SKAP2: variants seen among roughly 807,000 people sequenced by gnomAD.
The protein encoded by SKAP2 is src kinase-associated phosphoprotein 2.
A neutral mutation model predicts 54.9 loss-of-function variants in SKAP2; 28 were observed. That is an observed-to-expected ratio of 0.51 (90% CI 0.38 to 0.70). SKAP2 has a LOEUF of 0.70. Among genes scored for constraint, SKAP2 ranks in the 30% least tolerant of loss-of-function variants. The pLI, the probability that SKAP2 is intolerant of heterozygous loss-of-function variation, is 0.00. For synonymous variants in SKAP2, 137 were observed against 134.3 expected, an observed-to-expected ratio of 1.02 and a Z score of -0.14; for missense variants, 356 against 424.1, an observed-to-expected ratio of 0.84 and a Z score of 1.41.
intron 11 of SKAP2, among the ~76,000 whole-genome samples, chr7:26,675,382 C>G (rs1224072454): frequency 1.3e-5 from 2 of 152,192 alleles, no homozygotes; most frequent in East Asian, 3.8e-4. Context: ...ACTCAGCTGT[C>G]ATGATTTTTT....
At chr7:26,724,197 A>C (rs1174795824) in intron 9 of SKAP2, among the ~76,000 whole-genome samples, 2 of 152,206 alleles carry the variant, frequency 1.3e-5, no homozygotes, top group Non-Finnish European at 2.9e-5. Context: ...ATTACTTTTT[A>C]CTTGGTTAGA....
chr7:26,746,497 A>G (rs1170836239), intron 4 of SKAP2: 1 of 152,124 alleles, frequency 6.6e-6, no homozygotes, highest in Non-Finnish European at 1.5e-5. Flanking sequence ...GGATATAAAT[A>G]TTAAATAAAA....
intron 9 of SKAP2, among the ~76,000 whole-genome samples, chr7:26,702,526 GTGACAGTT>G (rs1787053141): frequency 6.6e-6 from 1 of 152,090 alleles, no homozygotes. Flanking sequence ...TATATTCTTA[GTGACAGTT>G]TGTCAGTTCT....
chr7:26,838,657 A>T (rs1478293285), intron 4 of SKAP2, among the ~76,000 whole-genome samples: 1 of 152,110 alleles, frequency 6.6e-6, no homozygotes, highest in Non-Finnish European at 1.5e-5. Context: ...TCCCTCCACA[A>T]TCTCTTAGAA....
chr7:26,862,176 A>G (rs1785285439), intron 1 of SKAP2, among the ~76,000 whole-genome samples: 1 of 152,096 alleles, frequency 6.6e-6, no homozygotes, highest in Non-Finnish European at 1.5e-5. Context: ...TTATGAAAAG[A>G]ATCATGTACA....
intron 9 of SKAP2, among the ~76,000 whole-genome samples, chr7:26,711,273 CT>C (rs1188065031): frequency 6.6e-6 from 1 of 151,932 alleles, no homozygotes; most frequent in African/African-American, 2.4e-5. Flanking sequence ...GAGCATATGT[CT>C]TTTAATTGTT....
chr7:26,793,985 C>A (rs1381119100), intron 4 of SKAP2, among the ~76,000 whole-genome samples: 1 of 152,104 alleles, frequency 6.6e-6, no homozygotes, highest in African/African-American at 2.4e-5. Context: ...GGTTAAGTAT[C>A]TACAGAAATT....
chr7:26,686,262 A>G (rs928431136), intron 10 of SKAP2, among the ~76,000 whole-genome samples: 1 of 152,178 alleles, frequency 6.6e-6, no homozygotes, highest in African/African-American at 2.4e-5. Flanking sequence ...TAGAAAATAT[A>G]CAACCTAGTA....
intron 9 of SKAP2, among the ~76,000 whole-genome samples, chr7:26,708,246 T>G (rs962567799): frequency 6.6e-6 from 1 of 152,244 alleles, no homozygotes; most frequent in Non-Finnish European, 1.5e-5. Flanking sequence ...TTGCTTTCAC[T>G]GGGTGAAGGA....
At chr7:26,833,906 C>T (rs931608038) in intron 4 of SKAP2, among the ~76,000 whole-genome samples, 12 of 152,176 alleles carry the variant, frequency 7.9e-5, no homozygotes, top group Non-Finnish European at 1.3e-4. Context: ...TTCTTCTCAG[C>T]ACCACATTGC....
intron 9 of SKAP2, among the ~76,000 whole-genome samples, chr7:26,707,302 G>A (rs1418605789): frequency 1.3e-5 from 2 of 151,962 alleles, no homozygotes; most frequent in Non-Finnish European, 2.9e-5. Flanking sequence ...CGACGCTGCA[G>A]TGAGCCAAGA....
intron 4 of SKAP2, among the ~76,000 whole-genome samples, chr7:26,795,743 TAGTA>T (rs1783763712): frequency 1.3e-5 from 2 of 152,228 alleles, no homozygotes; most frequent in Non-Finnish European, 2.9e-5. Context: ...TTGAGAAACT[TAGTA>T]AGTCACTTAA....
chr7:26,776,807 A>T (rs1783320305), intron 4 of SKAP2, among the ~76,000 whole-genome samples: 1 of 152,214 alleles, frequency 6.6e-6, no homozygotes, highest in Non-Finnish European at 1.5e-5. Flanking sequence ...TTAAGATCTT[A>T]CAATGGCTCC....
Position 26,850,560 on chromosome 7 carries a change from T to G in SKAP2, c.199+3577A>C, listed in dbSNP as rs1367834496. On this transcript the variant is annotated intron_variant, in intron 3 of 12. Coordinates refer to ENST00000345317, the MANE Select transcript of SKAP2 (RefSeq NM_003930.5). The stretch of plus-strand genomic sequence containing the variant: ...ATGATCACACCACTCCACTCCAGCC[T>G]GGATGACAGAGTGAGATCCTATCTC... Among the ~76,000 whole-genome samples, 3 of 149,674 alleles carry G rather than the reference T, an allele frequency of 2.0e-5. No homozygotes were observed. In the East Asian group the frequency reaches 5.9e-4, roughly 29 times the overall value.
intron 6 of SKAP2, among the ~76,000 whole-genome samples, chr7:26,738,408 T>A (rs1259958193): frequency 6.6e-6 from 1 of 152,210 alleles, no homozygotes; most frequent in Non-Finnish European, 1.5e-5. Context: ...TTTAATTTTA[T>A]CTAATTTTAT....
intron 9 of SKAP2, among the ~76,000 whole-genome samples, chr7:26,710,323 C>G (rs1030068239): frequency 1.3e-5 from 2 of 152,150 alleles, no homozygotes; most frequent in African/African-American, 4.8e-5. Context: ...CAGAATAGCA[C>G]ATATCAACAT....
intron 1 of SKAP2, chr7:26,857,448 T>A (rs1200386303): frequency 1.0e-6 from 1 of 985,090 alleles, no homozygotes; most frequent in East Asian, 1.1e-4. Flanking sequence ...ATCTACACTT[T>A]ACCCGTTTCT....
intron 4 of SKAP2, among the ~76,000 whole-genome samples, chr7:26,766,184 C>T (rs1312965354): frequency 1.3e-5 from 2 of 152,188 alleles, no homozygotes; most frequent in Non-Finnish European, 2.9e-5. Context: ...AGAGGTCCTT[C>T]ACATGCCTTG....
chr7:26,751,969 T>C (rs1328169341), intron 4 of SKAP2, among the ~76,000 whole-genome samples: 4 of 152,256 alleles, frequency 2.6e-5, no homozygotes, highest in African/African-American at 2.4e-5. Context: ...AATACCTGTA[T>C]AGAAAAATGT....
Sources: allele counts gnomAD v4.1 joint callset (sites outside exome capture counted in the v4.1 genomes callset), GRCh38; gene constraint gnomAD v4.1.1; transcripts MANE v1.5; gene names NCBI Gene and HGNC (gene_info 2026-07-23, HGNC 2026-07-21).